The following VPS13C variants were observed in gnomAD, a reference collection of about 807,000 sequenced individuals.
The protein encoded by VPS13C is vacuolar protein sorting 13 homolog C.
A neutral mutation model predicts 456.8 loss-of-function variants in VPS13C; 358 were observed. The observed-to-expected ratio is 0.78, with a 90% CI of 0.72 to 0.86. The LOEUF is 0.86. Ranked by LOEUF, VPS13C falls within the 40% of genes least tolerant of loss-of-function variation. VPS13C has a pLI of 0.00. For synonymous variants in VPS13C, 1,578 were observed against 1,486.7 expected (o/e 1.06, Z -1.41); for missense variants, 4,818 against 4,385.4 (o/e 1.10, Z -2.79).
intron 14 of VPS13C, 33 bp from the exon 15 acceptor site, chr15:62,007,512 A>C: frequency 6.6e-7 from 1 of 1,513,800 alleles, no homozygotes; most frequent in Non-Finnish European, 8.8e-7. Flanking sequence ...GTAAATGTTA[A>C]TATAAAGGTT....
At chr15:61,978,581 T>G in intron 23 of VPS13C, 45 bp downstream of exon 23, 1 of 1,591,860 alleles carries the variant, frequency 6.3e-7, no homozygotes, top group South Asian at 1.2e-5. Flanking sequence ...TTACACAAAC[T>G]ACCCATCATA....
chr15:61,965,006 A>T (rs990076427), intron 30 of VPS13C, 145 bp from the exon 31 acceptor site: 2 of 742,368 alleles, frequency 2.7e-6, no homozygotes, highest in African/African-American at 3.6e-5. Context: ...AAGATTCACA[A>T]TCCCCTTAAA....
intron 75 of VPS13C, among the ~76,000 whole-genome samples, chr15:61,876,265 T>C (rs1895417087): frequency 6.6e-6 from 1 of 152,060 alleles, no homozygotes; most frequent in Non-Finnish European, 1.5e-5. Flanking sequence ...AGACTCCGTC[T>C]CTATAAAAAC....
chr15:61,938,695 T>C lies in VPS13C; in HGVS notation c.5602-1945A>G, dbSNP rs185034969. ...TAAAGGAAAAGGACAGAGAATACTA[T>C]AATCTTCCCCTGTGAATCTACCACC... On this transcript the variant is annotated intron_variant, in intron 47 of 84. Coordinates refer to ENST00000644861, the MANE Select transcript of VPS13C (RefSeq NM_020821.3). 9.5e-4 allele frequency among the ~76,000 whole-genome samples: 145 copies of C among 152,330 alleles called. 1 individual carries two copies. Among genetic ancestry groups the C allele is most frequent in the African/African-American group, 3.4e-3 (142 of 41,574 alleles).
chr15:62,005,112 A>G (rs2046785087), intron 15 of VPS13C, among the ~76,000 whole-genome samples: 1 of 151,960 alleles, frequency 6.6e-6, no homozygotes, highest in Non-Finnish European at 1.5e-5. Flanking sequence ...TCTAATGTTG[A>G]CAGTGGGGTG....
chr15:62,010,555 A>C lies in VPS13C; in HGVS notation c.928T>G (p.Tyr310Asp), dbSNP rs1186759740. The change falls in exon 13 of 85, where the codon TAT becomes GAT. Residue 310 changes from tyrosine to aspartate, a missense_variant. By Grantham distance (160) the Tyr-to-Asp change is radical (BLOSUM62 -3). Coordinates refer to ENST00000644861, the MANE Select transcript of VPS13C (RefSeq NM_020821.3). ...GGCGTTTTGAGCTCTGATTCTGCAT[A>C]AGGATTCATGTAGAGTTTTGCAGAG... ...SASAKLYMNP[Y>D]AESELKTPKL... 6.2e-7 allele frequency: 1 copy of C among 1,613,334 alleles called. No homozygotes were observed. The highest frequency in any genetic ancestry group is 8.5e-7 in the Non-Finnish European group (1 of 1,179,676).
chr15:61,872,614 A>C (rs11631013), intron 78 of VPS13C, among the ~76,000 whole-genome samples: 77,978 of 151,786 alleles, frequency 0.51, 20,673 homozygotes, highest in Admixed American at 0.61. Flanking sequence ...ATACATTTTT[A>C]ATCATTATGA....
chr15:61,939,459 CCTATTT>C (rs1232085996), intron 47 of VPS13C, among the ~76,000 whole-genome samples: 5 of 152,212 alleles, frequency 3.3e-5, no homozygotes, highest in African/African-American at 1.2e-4. Flanking sequence ...TTTGATCCTT[CCTATTT>C]CATGTTAGAA....
intron 16 of VPS13C, among the ~76,000 whole-genome samples, chr15:61,997,877 C>A (rs1454685116): frequency 6.6e-6 from 1 of 152,162 alleles, no homozygotes; most frequent in Non-Finnish European, 1.5e-5. Flanking sequence ...TCAAAGTAGC[C>A]AGGGTGAATT....
In VPS13C at chr15:61,869,557, G is replaced by C. The variant is rs1176563553; in HGVS notation, c.10691C>G (p.Ala3564Gly). 6.2e-7 allele frequency: 1 copy of C among 1,613,994 alleles called. No homozygotes were observed. Among genetic ancestry groups the C allele is most frequent in the East Asian group, 2.2e-5 (1 of 44,892 alleles). ...GIGKGLVGAV[A>G]RPTGGIVDMA... ...ATCTACGATTCCACCAGTTGGACGGGCCACAGCACCCACAAGCCCTTTTCC... is the reference window on the plus strand; with the variant it reads ...ATCTACGATTCCACCAGTTGGACGGCCCACAGCACCCACAAGCCCTTTTCC... Residue 3564 changes from alanine (A) to glycine (G), a missense_variant, in exon 80 of 85, where the codon GCC becomes GGC. Ala to Gly is a moderately conservative substitution (Grantham distance 60, BLOSUM62 0). Transcript: ENST00000644861.
chr15:61,943,542 G>A (rs577040750), intron 45 of VPS13C, among the ~76,000 whole-genome samples: 1 of 152,104 alleles, frequency 6.6e-6, no homozygotes. Flanking sequence ...TCAGTAAATG[G>A]TGCTGAGATA....
rs1378271411 is a variant in VPS13C at position 61,920,292 on chromosome 15, A to G, written c.7252T>C (p.Leu2418=). ...EGTASTFDYS[L]KDRAPFTVKN... ...ACCGTAAAAGGAGCTCTGTCCTTTAAAGAGTAGTCAAAAGTAGAAGCAGTG... is the reference window on the plus strand; with the variant it reads ...ACCGTAAAAGGAGCTCTGTCCTTTAGAGAGTAGTCAAAAGTAGAAGCAGTG... The change falls in exon 57 of 85, where the codon TTA becomes CTA. Residue 2418 remains leucine, a synonymous_variant. Coordinates refer to ENST00000644861, the MANE Select transcript of VPS13C (RefSeq NM_020821.3). 2 of 1,610,692 alleles carry G rather than the reference A, an allele frequency of 1.2e-6. No individual in the cohort carries two copies. The highest frequency in any genetic ancestry group is 1.7e-6 in the Non-Finnish European group (2 of 1,177,744).
At chr15:61,999,904 T>C (rs28422984) in intron 16 of VPS13C, among the ~76,000 whole-genome samples, 1 of 116,256 alleles carries the variant, frequency 8.6e-6, no homozygotes, top group African/African-American at 3.5e-5. Context: ...AAAGAAAAAG[T>C]AAAAAAAAAA....
chr15:61,890,356 G>T lies in VPS13C; in HGVS notation c.9150C>A (p.His3050Gln). 8 of 1,614,032 alleles carry T rather than the reference G, an allele frequency of 5.0e-6. No individual in the cohort carries two copies. The highest frequency in any genetic ancestry group is 6.8e-6 in the Non-Finnish European group (8 of 1,180,004). The change falls in exon 67 of 85, where the codon CAC becomes CAA. Residue 3050 changes from histidine (H) to glutamine (Q), a missense_variant. By Grantham distance (24) the His-to-Gln change is conservative. Transcript: ENST00000644861. ...QFPYDANIQI[H>Q]WVSFLDGRQR... ...GGCGCCCATCCAGAAATGATACCCA[G>T]TGTATCTGGATGTTTGCATCATATG... is the stretch of plus-strand genomic sequence containing the variant.
chr15:61,925,729 G>T (rs369782810), intron 52 of VPS13C, among the ~76,000 whole-genome samples, 181 bp from the exon 53 acceptor site: 13 of 152,350 alleles, frequency 8.5e-5, no homozygotes, highest in African/African-American at 3.1e-4. Context: ...TGAACTATGA[G>T]AAATCTGTGA....
chr15:61,874,541 T>C (rs918605074), intron 77 of VPS13C, among the ~76,000 whole-genome samples: 22 of 152,190 alleles, frequency 1.4e-4, no homozygotes, highest in African/African-American at 4.8e-4. Flanking sequence ...TCACAATATA[T>C]AGCATGCAAT....
intron 16 of VPS13C, among the ~76,000 whole-genome samples, chr15:61,994,391 T>C (rs770358499): frequency 4.6e-5 from 7 of 152,180 alleles, no homozygotes; most frequent in Non-Finnish European, 8.8e-5. Flanking sequence ...TCCCCAGCAG[T>C]AGCAAATACC....
Position 61,920,132 on chromosome 15 carries a change from G to A in VPS13C, c.7412C>T (p.Pro2471Leu), listed in dbSNP as rs138675421. 6 of 1,613,230 alleles carry A rather than the reference G, an allele frequency of 3.7e-6. No homozygotes were observed. The African/African-American group carries it at 8.0e-5, about 22-fold the overall frequency. ...TATAGATAGGTTCCCTTGACTTGAA[G>A]GTACCATGCTGGCATACTCCAGTTC... ...NLELEYASMV[P>L]SSQGNLSILS... is the part of the protein sequence containing the mutation. The change falls in exon 57 of 85, where the codon CCT (proline) becomes CTT (leucine). Residue 2471 changes from proline (P) to leucine (L), a missense_variant. By Grantham distance (98) the Pro-to-Leu change is moderately conservative. Around this residue, in one of 3 missense-constraint regions of VPS13C, gnomAD observed 4,552 missense variants for 4,130.6 expected, o/e 1.10. Coordinates refer to ENST00000644861, the MANE Select transcript of VPS13C (RefSeq NM_020821.3).
intron 67 of VPS13C, among the ~76,000 whole-genome samples, chr15:61,889,819 T>C (rs1392134499): frequency 1.3e-5 from 2 of 152,182 alleles, no homozygotes; most frequent in Non-Finnish European, 2.9e-5. Flanking sequence ...CCACTGTGCA[T>C]GTACATCCTT....
Sources: allele counts gnomAD v4.1 joint callset (sites outside exome capture counted in the v4.1 genomes callset), GRCh38; gene constraint gnomAD v4.1.1; regional missense constraint gnomAD v4.1.1; transcripts MANE v1.5; gene names NCBI Gene and HGNC (gene_info 2026-07-23, HGNC 2026-07-21).